The following PCYT1B variants were observed in gnomAD, a reference collection of about 807,000 sequenced individuals.
The protein encoded by PCYT1B is phosphate cytidylyltransferase 1B, choline.
In PCYT1B, 10 loss-of-function variants were observed where a neutral mutation model predicts 26.4. That is an observed-to-expected ratio of 0.38 (90% CI 0.23 to 0.64). The LOEUF (loss-of-function observed/expected upper bound fraction) is 0.64, where lower values mean the gene tolerates loss of function less well. Ranked by LOEUF, PCYT1B falls within the 30% of genes least tolerant of loss-of-function variation. The probability of loss-of-function intolerance (pLI) is 0.56; values close to 1 mark genes in which losing one functional copy is unlikely to be tolerated. For synonymous variants in PCYT1B, 131 were observed against 108.4 expected, an observed-to-expected ratio of 1.21 and a Z score of -1.29; for missense variants, 161 against 292.7, an observed-to-expected ratio of 0.55 and a Z score of 3.28.
At chrX:24,602,545 T>C (rs1169491097) in intron 3 of PCYT1B, among the ~76,000 whole-genome samples, 1 of 111,258 alleles carries the variant, frequency 9.0e-6, no homozygotes, top group African/African-American at 3.3e-5. Flanking sequence ...GATGTGTCAA[T>C]GTAGGCTAAT....
chrX:24,616,524 C>T (rs1481051632), intron 2 of PCYT1B, among the ~76,000 whole-genome samples: 1 of 111,798 alleles, frequency 8.9e-6, no homozygotes, highest in Non-Finnish European at 1.9e-5. Flanking sequence ...CAGGCATGAG[C>T]CACCACGCCC....
In PCYT1B at chrX:24,562,360, G is replaced by T; in HGVS notation, c.1043C>A (p.Pro348His). 1 of 1,175,515 alleles carries T rather than the reference G, an allele frequency of 8.5e-7. No individual in the cohort carries two copies. Residue 348 changes from proline (P) to histidine (H), a missense_variant, in exon 8 of 8, where the codon CCT (proline) becomes CAT (histidine). Around this residue, in one of 4 missense-constraint regions of PCYT1B, gnomAD observed 38 missense variants for 55.9 expected, o/e 0.68. Transcript: ENST00000379144. ...GGCTGAGGCTGCTTTGGGTGAGGAA[G>T]GGGGTGAGGTTTTGAGTGGAAGCCA... ...FSWLPLKTSP[P>H]SSPKAASASI...
upstream of PCYT1B, among the ~76,000 whole-genome samples, chrX:24,650,973 G>A (rs1926750480): frequency 8.9e-6 from 1 of 111,825 alleles, no homozygotes. Flanking sequence ...ATGGGCACGT[G>A]TTAGCATTAT....
At chrX:24,616,228 CTTTTTTTTTT>C (rs59287140) in intron 2 of PCYT1B, among the ~76,000 whole-genome samples, 1 of 43,814 alleles carries the variant, frequency 2.3e-5, no homozygotes, top group Non-Finnish European at 3.5e-5. Flanking sequence ...ACCACCTGGA[CTTTTTTTTTT>C]TTTTTTTTTT....
At chrX:24,607,325 A>T (rs1925170990) in intron 3 of PCYT1B, among the ~76,000 whole-genome samples, 1 of 112,754 alleles carries the variant, frequency 8.9e-6, no homozygotes. Flanking sequence ...GTCACACAAA[A>T]GAAATAGACG....
intron 1 of PCYT1B, among the ~76,000 whole-genome samples, chrX:24,660,178 C>T (rs1423963683): frequency 1.8e-5 from 2 of 111,601 alleles, no homozygotes; most frequent in Non-Finnish European, 3.8e-5. Context: ...TGATGAGACA[C>T]TTTATTCATA....
chrX:24,646,250 G>C (rs755674906), intron 1 of PCYT1B, among the ~76,000 whole-genome samples: 1 of 111,111 alleles, frequency 9.0e-6, no homozygotes, highest in African/African-American at 3.3e-5. Flanking sequence ...ATAGAGAGAC[G>C]ACCAAATTTG....
At chrX:24,651,231 G>A (rs1164506042), upstream of PCYT1B, among the ~76,000 whole-genome samples, 1 of 108,586 alleles carries the variant, frequency 9.2e-6, no homozygotes, top group Non-Finnish European at 1.9e-5. Flanking sequence ...GCTGAGGTGG[G>A]TGGATCATGA....
chrX:24,615,768 C>A (rs1925470704), intron 2 of PCYT1B, among the ~76,000 whole-genome samples: 1 of 112,090 alleles, frequency 8.9e-6, no homozygotes, highest in East Asian at 2.8e-4. Flanking sequence ...GCGTATGCAA[C>A]AAGTATTTCT....
chrX:24,642,341 A>G lies in PCYT1B; in HGVS notation c.117+4648T>C, dbSNP rs763414865. Reference sequence around the variant, plus strand: ...TAAGAGACTCAGTTTTCTCTCAGTTATCTTCCAAAACTCTGCATTGCTAAA... The same window carrying G: ...TAAGAGACTCAGTTTTCTCTCAGTTGTCTTCCAAAACTCTGCATTGCTAAA... On this transcript the variant is annotated intron_variant, in intron 1 of 7. Transcript: ENST00000379144. Among the ~76,000 whole-genome samples the G allele has an allele frequency of 2.7e-5, 3 of 112,482 alleles. No individual in the cohort carries two copies. The South Asian group carries it at 1.1e-3, about 41-fold the overall frequency.
In PCYT1B at chrX:24,561,290, C is replaced by T. The variant is rs1923405408; in HGVS notation, c.*1003G>A. On this transcript the variant is annotated 3_prime_UTR_variant, in exon 8 of 8. Transcript: ENST00000379144. ...ATACTCATATTGCACATGGGATACA[C>T]CCGGGGATGACATATTGGAGCATAT... is the stretch of plus-strand genomic sequence containing the variant. 9.0e-6 allele frequency: 1 copy of T among 111,711 alleles called. No individual in the cohort carries two copies. The highest frequency in any genetic ancestry group is 1.9e-5 in the Non-Finnish European group (1 of 53,118). The allele number at this position is 111,711 out of a possible 1,213,427, so 9.2% of individuals were successfully genotyped here.
intron 6 of PCYT1B, among the ~76,000 whole-genome samples, chrX:24,578,393 C>T (rs995665013): frequency 9.0e-5 from 10 of 111,219 alleles, no homozygotes; most frequent in Admixed American, 1.9e-4. Flanking sequence ...ATGTAGATGA[C>T]GGGTTGATGG....
At chrX:24,633,414 C>T (rs984973568) in intron 1 of PCYT1B, among the ~76,000 whole-genome samples, 1 of 110,247 alleles carries the variant, frequency 9.1e-6, no homozygotes, top group Non-Finnish European at 1.9e-5. Context: ...TGGCTCACAC[C>T]TGTAATCCCA....
At chrX:24,628,185 T>C (rs1925939950) in intron 1 of PCYT1B, among the ~76,000 whole-genome samples, 1 of 111,682 alleles carries the variant, frequency 9.0e-6, no homozygotes. Context: ...AGGGCATGGA[T>C]GCAGGTAGAA....
chrX:24,564,176 C>T (rs1923535155), intron 7 of PCYT1B, among the ~76,000 whole-genome samples: 3 of 80,891 alleles, frequency 3.7e-5, no homozygotes, highest in South Asian at 6.5e-4. Flanking sequence ...AGTGAGACTC[C>T]GTCTCAAGAG....
Position 24,558,877 on chromosome X carries a change from A to G in PCYT1B, c.*3416T>C, listed in dbSNP as rs1435772547. ...GTGACCAGTTCATTTTAGGGTCCCCATAAGCAGCTAATATAGAAGTGCTGA... is the reference window on the plus strand; with the variant it reads ...GTGACCAGTTCATTTTAGGGTCCCCGTAAGCAGCTAATATAGAAGTGCTGA... On this transcript the variant is annotated 3_prime_UTR_variant, in exon 8 of 8. Coordinates refer to ENST00000379144, the MANE Select transcript of PCYT1B (RefSeq NM_004845.5). 9.1e-6 allele frequency: 1 copy of G among 110,377 alleles called. No individual in the cohort carries two copies. Among genetic ancestry groups the G allele is most frequent in the Non-Finnish European group, 1.9e-5 (1 of 52,868 alleles). 9.1% of individuals were successfully genotyped at this position (110,377 alleles called of 1,213,427 possible). A position where few individuals can be genotyped will look rare whatever the true frequency, so the allele number is the denominator to read the frequency against.
At chrX:24,637,492 ATAT>A (rs1926322365) in intron 1 of PCYT1B, among the ~76,000 whole-genome samples, 1 of 59,532 alleles carries the variant, frequency 1.7e-5, no homozygotes, top group African/African-American at 1.1e-4. Context: ...AAAAAAAAAA[ATAT>A]ATATATATAT....
At chrX:24,564,091 A>G (rs915349094) in intron 7 of PCYT1B, among the ~76,000 whole-genome samples, 7 of 109,953 alleles carry the variant, frequency 6.4e-5, no homozygotes, top group Non-Finnish European at 1.3e-4. Context: ...CTGACGCAGG[A>G]GAACCACTTG....
chrX:24,610,631 AAAAGT>A (rs1925279752), intron 2 of PCYT1B, among the ~76,000 whole-genome samples: 1 of 111,950 alleles, frequency 8.9e-6, no homozygotes, highest in African/African-American at 3.2e-5. Context: ...GGGAGGAAAG[AAAAGT>A]AAAGAAAGAA....
Sources: gnomAD v4.1 joint callset for allele counts (sites outside exome capture counted in the v4.1 genomes callset) on GRCh38, gnomAD v4.1.1 for gene constraint, gnomAD v4.1.1 regional missense constraint, MANE v1.5 for transcripts, NCBI Gene and HGNC (gene_info 2026-07-23, HGNC 2026-07-21) for gene names.